Variants in FMNL2 observed in about 807,000 individuals in gnomAD.
The protein encoded by FMNL2 is formin-like protein 2.
A neutral mutation model predicts 130.2 loss-of-function variants in FMNL2; 51 were observed. The observed-to-expected ratio is 0.39, with a 90% confidence interval of 0.31 to 0.49. The LOEUF is 0.49. Ranked by LOEUF, FMNL2 falls within the 20% of genes least tolerant of loss-of-function variation. The pLI is 0.85. For synonymous variants in FMNL2, 465 were observed against 467.1 expected (o/e 1.00, Z 0.06); for missense variants, 977 against 1,316.2 (o/e 0.74, Z 3.99).
At chr2:152,618,467 AT>A (rs1382807701) in intron 13 of FMNL2, among the ~76,000 whole-genome samples, 2 of 152,168 alleles carry the variant, frequency 1.3e-5, no homozygotes, top group African/African-American at 4.8e-5. Flanking sequence ...GTTAGCTGAT[AT>A]GTGTATCTAA....
intron 1 of FMNL2, among the ~76,000 whole-genome samples, chr2:152,454,295 G>A (rs1335356427): frequency 1.3e-5 from 2 of 151,944 alleles, no homozygotes; most frequent in African/African-American, 4.8e-5. Context: ...AAAAAAAGTG[G>A]GTTTTTTCTT....
At chr2:152,643,537 C>A in intron 25 of FMNL2, 1 of 1,535,982 alleles carries the variant, frequency 6.5e-7, no homozygotes, top group South Asian at 1.2e-5. Flanking sequence ...ACCTGATGCT[C>A]TTAAAAGGTT....
intron 9 of FMNL2, among the ~76,000 whole-genome samples, chr2:152,598,412 G>T (rs749958706): frequency 1.3e-5 from 2 of 152,170 alleles, no homozygotes; most frequent in Non-Finnish European, 2.9e-5. Flanking sequence ...TCTCAGGCTG[G>T]GTGCGGTGGC....
At chr2:152,341,318 C>A (rs1204928900) in intron 1 of FMNL2, among the ~76,000 whole-genome samples, 1 of 152,148 alleles carries the variant, frequency 6.6e-6, no homozygotes, top group Non-Finnish European at 1.5e-5. Context: ...TTTTTTCCTC[C>A]TAATAATACC....
chr2:152,611,540 G>A lies in FMNL2; in HGVS notation c.997G>A (p.Asp333Asn). Residue 333 changes from aspartate (D) to asparagine (N), a missense_variant, in exon 11 of 26, where the codon GAT becomes AAT. This residue lies in a region of FMNL2 where 689 missense variants were observed against 995.9 expected (regional missense o/e 0.69). Transcript: ENST00000288670. ...FINIVVHSVE[D>N]MNFRVHLQYE... ...TAATATTGTAGTCCATTCAGTAGAA[G>A]ATATGAATTTCAGAGTTCACCTGCA... The A allele has an allele frequency of 7.5e-6, 12 of 1,602,430 alleles. No homozygotes were observed. Among genetic ancestry groups the A allele is most frequent in the Non-Finnish European group, 1.0e-5 (12 of 1,173,484 alleles).
chr2:152,566,927 C>T (rs1226930116), intron 6 of FMNL2, among the ~76,000 whole-genome samples: 1 of 152,116 alleles, frequency 6.6e-6, no homozygotes, highest in East Asian at 1.9e-4. Flanking sequence ...AGCGGAGGTT[C>T]AGTGGTAAGA....
chr2:152,630,111 A>T (rs1682062695), intron 20 of FMNL2, among the ~76,000 whole-genome samples: 1 of 152,134 alleles, frequency 6.6e-6, no homozygotes, highest in South Asian at 2.1e-4. Context: ...ATTTCTAGGA[A>T]TTTTTTCTCA....
chr2:152,336,650 GCCCCAGCCA>G (rs1339168592), intron 1 of FMNL2, among the ~76,000 whole-genome samples: 1 of 152,126 alleles, frequency 6.6e-6, no homozygotes, highest in Admixed American at 6.5e-5. Flanking sequence ...GTGGCGGCTT[GCCCCAGCCA>G]GGATCTGGAC....
At position 152,386,661 on chromosome 2, in the gene FMNL2, T is replaced by A. The variant is rs540623692; in HGVS notation, c.117+50941T>A. On this transcript the variant is annotated intron_variant, in intron 1 of 25. Transcript: ENST00000288670. The stretch of plus-strand genomic sequence containing the variant: ...TTCATGACCCTACATTTTCAGCAAT[T>A]CATTGTCTGTCTGATTTGATGTTAT... Among the ~76,000 whole-genome samples, 12 of 143,838 alleles carry A rather than the reference T, an allele frequency of 8.3e-5. No individual in the cohort carries two copies. In the East Asian group the frequency reaches 2.2e-3, roughly 27 times the overall value. The allele number at this position is 143,838 out of a possible 152,430, so 94.4% of individuals were successfully genotyped here.
chr2:152,637,428 A>C, intron 22 of FMNL2, 145 bp from the exon 23 acceptor site: 1 of 646,322 alleles, frequency 1.5e-6, no homozygotes, highest in Non-Finnish European at 2.8e-6. Flanking sequence ...GGCGTTAGGC[A>C]ATCTTGGGAG....
intron 1 of FMNL2, among the ~76,000 whole-genome samples, chr2:152,348,818 GTTTTTTTTTTTTT>G (rs1244621847): frequency 0.013 from 950 of 71,910 alleles, 81 homozygotes; most frequent in African/African-American, 0.054. Flanking sequence ...GCTTCTAAGG[GTTTTTTTTTTTTT>G]TTTTTTTTTT....
chr2:152,410,847 C>A (rs971402469), intron 1 of FMNL2, among the ~76,000 whole-genome samples: 3 of 152,166 alleles, frequency 2.0e-5, no homozygotes, highest in African/African-American at 4.8e-5. Flanking sequence ...ATGTTGTGAG[C>A]AGAGTGGCCT....
At chr2:152,448,108 A>G (rs1418546202) in intron 1 of FMNL2, among the ~76,000 whole-genome samples, 1 of 151,976 alleles carries the variant, frequency 6.6e-6, no homozygotes, top group Non-Finnish European at 1.5e-5. Context: ...TCCTATACCC[A>G]TTGAATTCGT....
At chr2:152,615,827 T>C (rs1698916834) in intron 12 of FMNL2, among the ~76,000 whole-genome samples, 2 of 152,172 alleles carry the variant, frequency 1.3e-5, no homozygotes. Context: ...GAACAGTTCA[T>C]TTATTTTTCT....
intron 1 of FMNL2, among the ~76,000 whole-genome samples, chr2:152,439,963 C>G (rs1687970923): frequency 6.6e-6 from 1 of 151,542 alleles, no homozygotes; most frequent in South Asian, 2.1e-4. Flanking sequence ...CCTTAACCAC[C>G]AGTAGAAAGC....
intron 1 of FMNL2, among the ~76,000 whole-genome samples, chr2:152,363,775 T>A (rs1683326990): frequency 1.3e-5 from 2 of 152,168 alleles, no homozygotes; most frequent in African/African-American, 4.8e-5. Context: ...TTGGCCAGCC[T>A]GGTCTCGAAC....
rs760442490 is a variant in FMNL2 at position 152,625,458 on chromosome 2, A to G, written c.1858A>G (p.Ile620Val). Residue 620 changes from isoleucine to valine, a missense_variant, in exon 16 of 26, where the codon ATC (isoleucine) becomes GTC (valine). Around this residue, in one of 4 missense-constraint regions of FMNL2, gnomAD observed 689 missense variants for 995.9 expected, o/e 0.69. Coordinates refer to ENST00000288670, the MANE Select transcript of FMNL2 (RefSeq NM_052905.4). ...GLAAVKIKKP[I>V]KTKFRMPVFN... ...TTTAGCTGTGAAAATTAAGAAGCCA[A>G]TCAAGACGAAGTTCAGAATGCCAGT... The G allele has an allele frequency of 1.1e-5, 17 of 1,609,570 alleles. No individual in the cohort carries two copies. The highest frequency in any genetic ancestry group is 3.3e-5 in the South Asian group (3 of 90,842).
intron 20 of FMNL2, among the ~76,000 whole-genome samples, chr2:152,631,352 C>G (rs1682148681): frequency 6.9e-6 from 1 of 144,540 alleles, no homozygotes; most frequent in Non-Finnish European, 1.5e-5. Flanking sequence ...AAGATTGTGC[C>G]ACTGCACTCC....
At chr2:152,466,510 G>A (rs963064927) in intron 1 of FMNL2, among the ~76,000 whole-genome samples, 1 of 152,098 alleles carries the variant, frequency 6.6e-6, no homozygotes, top group African/African-American at 2.4e-5. Flanking sequence ...CTAATTGTTG[G>A]TGGATATAAT....
Sources: allele counts gnomAD v4.1 joint callset (sites outside exome capture counted in the v4.1 genomes callset), GRCh38; gene constraint gnomAD v4.1.1; regional missense constraint gnomAD v4.1.1; transcripts MANE v1.5; gene names NCBI Gene and HGNC (gene_info 2026-07-23, HGNC 2026-07-21).